The following PLCD4 variants were observed in gnomAD, a reference collection of about 807,000 sequenced individuals.
The protein encoded by PLCD4 is 1-phosphatidylinositol 4,5-bisphosphate phosphodiesterase delta-4.
A neutral mutation model predicts 90.2 loss-of-function variants in PLCD4; 63 were observed. The ratio of observed to expected loss-of-function variants is 0.70; its 90% CI spans 0.57 to 0.86. The LOEUF (loss-of-function observed/expected upper bound fraction) is 0.86, where lower values mean the gene tolerates loss of function less well. Among genes scored for constraint, PLCD4 ranks in the 40% least tolerant of loss-of-function variants. PLCD4 has a pLI of 0.00. For missense variants in PLCD4, 830 were observed against 956.3 expected, an observed-to-expected ratio of 0.87 and a Z score of 1.74; for synonymous variants, 294 against 356.5, an observed-to-expected ratio of 0.82 and a Z score of 1.97.
At chr2:218,625,824 C>T (rs1696092379) in intron 6 of PLCD4, among the ~76,000 whole-genome samples, 1 of 152,008 alleles carries the variant, frequency 6.6e-6, no homozygotes, top group Admixed American at 6.6e-5. Flanking sequence ...ATTTGAGCTA[C>T]TTGGGTGCCT....
Position 218,608,072 on chromosome 2 carries a change from T to G in PLCD4, c.-34+2T>G, listed in dbSNP as rs1695169259. On this transcript the variant is annotated splice_donor_variant, in intron 1 of 15. Transcript: ENST00000450993. LOFTEE classifies it low-confidence loss of function (5UTR_SPLICE). ...TGCTATTCTGCTCTCCTGCCCACGG[T>G]AAGGATCTGGAAGCTCTGACTACCC... The G allele has an allele frequency of 6.6e-6, 1 of 152,418 alleles. No individual in the cohort carries two copies. The highest frequency in any genetic ancestry group is 1.5e-5 in the Non-Finnish European group (1 of 68,220). The allele number at this position is 152,418 out of a possible 1,614,324, so 9.4% of individuals were successfully genotyped here. A position where few individuals can be genotyped will look rare whatever the true frequency, so the allele number is the denominator to read the frequency against.
In PLCD4 at chr2:218,636,278, C is replaced by T. The variant is rs751000229; in HGVS notation, c.2068C>T (p.Arg690Trp). The T allele has an allele frequency of 1.5e-5, 25 of 1,613,920 alleles. No homozygotes were observed. The highest frequency in any genetic ancestry group is 1.6e-4 in the Middle Eastern group (1 of 6,084). Residue 690 changes from arginine to tryptophan, a missense_variant, in exon 15 of 16, where the codon CGG becomes TGG. Coordinates refer to ENST00000450993, the MANE Select transcript of PLCD4 (RefSeq NM_032726.4). The part of the protein sequence containing the change: ...NPYWGQTLCF[R>W]VLVPELAMLR... ...ATACTGGGGGCAGACACTATGTTTCCGGGTGCTGGTGCCTGAACTTGCCAT... is the reference window on the plus strand; with the variant it reads ...ATACTGGGGGCAGACACTATGTTTCTGGGTGCTGGTGCCTGAACTTGCCAT...
intron 3 of PLCD4, among the ~76,000 whole-genome samples, chr2:218,616,839 T>C (rs1695603982): frequency 7.0e-6 from 1 of 142,538 alleles, no homozygotes; most frequent in South Asian, 2.2e-4. Flanking sequence ...AGTTAACATG[T>C]AAAACACTTA....
intron 3 of PLCD4, among the ~76,000 whole-genome samples, chr2:218,617,598 A>C (rs1407205274): frequency 6.6e-6 from 1 of 152,012 alleles, no homozygotes; most frequent in African/African-American, 2.4e-5. Context: ...ATAAAACAAA[A>C]AAAAAATCAT....
intron 1 of PLCD4, among the ~76,000 whole-genome samples, chr2:218,611,734 G>A (rs988256080): frequency 6.6e-6 from 1 of 150,966 alleles, no homozygotes; most frequent in Admixed American, 6.6e-5. Context: ...GAGTAGCTGG[G>A]ATTACAGGTG....
rs779561560 is a variant in PLCD4 at position 218,630,651 on chromosome 2, C to T, written c.1121C>T (p.Thr374Ile). Reference sequence around the variant, plus strand: ...ATTGTTCCCTCCCCTCACCACCAGACATCAGACTACCCAGTCATCTTGTCC... The same window carrying T: ...ATTGTTCCCTCCCCTCACCACCAGATATCAGACTACCCAGTCATCTTGTCC... ...VATVAQYAFQ[T>I]SDYPVILSLE... The change falls in exon 9 of 16, where the codon ACA becomes ATA. Residue 374 changes from threonine to isoleucine, a missense_variant and splice_region_variant. Physicochemically the swap from Thr to Ile is moderately conservative, Grantham distance 89 (BLOSUM62 -1). Transcript: ENST00000450993. 6.2e-7 allele frequency: 1 copy of T among 1,614,026 alleles called. No individual in the cohort carries two copies. The highest frequency in any genetic ancestry group is 1.1e-5 in the South Asian group (1 of 91,078).
chr2:218,631,522 C>T (rs1037129680), intron 9 of PLCD4, among the ~76,000 whole-genome samples: 2 of 146,246 alleles, frequency 1.4e-5, no homozygotes, highest in Non-Finnish European at 2.9e-5. Context: ...TCAGGCCAGG[C>T]ACGTTGGTTC....
In PLCD4 at chr2:218,615,704, T is replaced by C; in HGVS notation, c.-33-3T>C. 1 of 1,586,328 alleles carries C rather than the reference T, an allele frequency of 6.3e-7. No individual in the cohort carries two copies. The highest frequency in any genetic ancestry group is 1.2e-5 in the South Asian group (1 of 86,086). On this transcript the variant is annotated splice_polypyrimidine_tract_variant and splice_region_variant and intron_variant, in intron 1 of 15. Transcript: ENST00000450993. Reference sequence around the variant, plus strand: ...AGCCCTTTGCTCTTCCTTGCTCCTTTAGGTGATCTGGTGCCAGCTGGTGGA... The same window carrying C: ...AGCCCTTTGCTCTTCCTTGCTCCTTCAGGTGATCTGGTGCCAGCTGGTGGA...
chr2:218,633,933 G>C (rs1696547110), intron 11 of PLCD4, 172 bp downstream of exon 11: 1 of 1,202,130 alleles, frequency 8.3e-7, no homozygotes, highest in African/African-American at 1.5e-5. Context: ...TGGCTCAAGG[G>C]TCTAGGGGCA....
chr2:218,634,145 T>G lies in PLCD4; in HGVS notation c.1647T>G (p.Arg549=). 1 of 1,612,658 alleles carries G rather than the reference T, an allele frequency of 6.2e-7. No homozygotes were observed. The highest frequency in any genetic ancestry group is 1.1e-5 in the South Asian group (1 of 90,692). ...AGCACAATACTTGGCAGTTAAGCCG[T>G]GTGTATCCCAGCGGCCTGAGGACAG... The part of the protein sequence containing the change: ...FVQHNTWQLS[R]VYPSGLRTDS... Residue 549 remains arginine (R), a synonymous_variant, in exon 12 of 16, where the codon CGT becomes CGG. Coordinates refer to ENST00000450993, the MANE Select transcript of PLCD4 (RefSeq NM_032726.4). This position sits in a 1 kb window ranked among gnomAD's most constrained non-coding sequence, Gnocchi z 4.0.
chr2:218,628,377 T>C (rs1696207960), intron 7 of PLCD4, 147 bp downstream of exon 7: 2 of 707,720 alleles, frequency 2.8e-6, no homozygotes, highest in Non-Finnish European at 4.7e-6. Context: ...TTGGAGGAGA[T>C]ATTGAAGACT....
chr2:218,612,890 C>T (rs1695407347), intron 1 of PLCD4, among the ~76,000 whole-genome samples: 1 of 152,162 alleles, frequency 6.6e-6, no homozygotes, highest in Admixed American at 6.6e-5. Flanking sequence ...ATAGGGTCTT[C>T]CCACAAAAGA....
intron 6 of PLCD4, among the ~76,000 whole-genome samples, chr2:218,625,293 CTG>C (rs1325495340): frequency 6.7e-6 from 1 of 148,688 alleles, no homozygotes; most frequent in Admixed American, 6.7e-5. Flanking sequence ...GTCCAAGACT[CTG>C]TTTCAAACAA....
Position 218,618,622 on chromosome 2 carries a change from C to G in PLCD4, c.225C>G (p.Ser75=). 1 of 1,614,040 alleles carries G rather than the reference C, an allele frequency of 6.2e-7. No individual in the cohort carries two copies. The change falls in exon 4 of 16, where the codon TCC becomes TCG. Residue 75 remains serine (S), a synonymous_variant. Coordinates refer to ENST00000450993, the MANE Select transcript of PLCD4 (RefSeq NM_032726.4). ...DVETIRNGHD[S]ELLRSLAEEL... is the part of the protein sequence containing the mutation. ...AGACAATACGTAATGGCCATGATTC[C>G]GAGTTGCTGCGTAGCCTGGCAGAGG...
intron 1 of PLCD4, among the ~76,000 whole-genome samples, chr2:218,611,324 T>A (rs1695323556): frequency 6.6e-6 from 1 of 152,280 alleles, no homozygotes; most frequent in South Asian, 2.1e-4. Context: ...AAGGCAGGTT[T>A]GAGAGGAGGG....
chr2:218,627,961 G>A, intron 6 of PLCD4, 68 bp from the exon 7 acceptor site: 1 of 1,401,710 alleles, frequency 7.1e-7, no homozygotes, highest in East Asian at 2.3e-5. Context: ...AGGAAGGATG[G>A]ACTGTAGGTG....
At chr2:218,611,695 T>G (rs925058454) in intron 1 of PLCD4, among the ~76,000 whole-genome samples, 1 of 152,122 alleles carries the variant, frequency 6.6e-6, no homozygotes, top group African/African-American at 2.4e-5. Flanking sequence ...GCCTCCTGGT[T>G]TCAAGTGATT....
chr2:218,621,995 GTGTGAACC>G (rs1240909146), intron 5 of PLCD4, among the ~76,000 whole-genome samples: 1 of 149,932 alleles, frequency 6.7e-6, no homozygotes. Context: ...CAGGAGAATG[GTGTGAACC>G]CGGGAGGCAG....
chr2:218,636,707 T>A lies in PLCD4; in HGVS notation c.*130T>A. The A allele has an allele frequency of 1.0e-6, 1 of 958,934 alleles. No individual in the cohort carries two copies. Among genetic ancestry groups the A allele is most frequent in the Non-Finnish European group, 1.6e-6 (1 of 633,034 alleles). 59.4% of individuals were successfully genotyped at this position (958,934 alleles called of 1,614,324 possible). A position where few individuals can be genotyped will look rare whatever the true frequency, so the allele number is the denominator to read the frequency against. On this transcript the variant is annotated 3_prime_UTR_variant, in exon 16 of 16. Coordinates refer to ENST00000450993, the MANE Select transcript of PLCD4 (RefSeq NM_032726.4). ...GATTGTGCATTCCTAGGCACAAAAT[T>A]ACCTCATTCTTCCTAACAAGCAATC... is the stretch of plus-strand genomic sequence containing the variant.
Sources: allele counts gnomAD v4.1 joint callset (sites outside exome capture counted in the v4.1 genomes callset), GRCh38; gene constraint gnomAD v4.1.1; non-coding constraint Gnocchi (gnomAD v3.1); transcripts MANE v1.5; gene names NCBI Gene and HGNC (gene_info 2026-07-23, HGNC 2026-07-21).